PHKB: variants seen among roughly 807,000 people sequenced by gnomAD.
PHKB encodes phosphorylase b kinase regulatory subunit beta.
In PHKB, 122 loss-of-function variants were observed where a neutral mutation model predicts 152.1. That is an observed-to-expected ratio of 0.80 (90% CI 0.69 to 0.93). The LOEUF (loss-of-function observed/expected upper bound fraction) is 0.93. Among genes scored for constraint, PHKB ranks in the 40% least tolerant of loss-of-function variants. The pLI is 0.00. For missense variants in PHKB, 1,304 were observed against 1,328.4 expected (o/e 0.98, Z 0.29); for synonymous variants, 436 against 464.9 (o/e 0.94, Z 0.80).
chr16:47,534,068 G>A (rs1970909923), intron 6 of PHKB, among the ~76,000 whole-genome samples: 1 of 152,226 alleles, frequency 6.6e-6, no homozygotes, highest in African/African-American at 2.4e-5. Flanking sequence ...TGGCATCTGG[G>A]GAGCTCCCAC....
chr16:47,475,037 G>A (rs1381096341), intron 1 of PHKB, among the ~76,000 whole-genome samples: 1 of 152,038 alleles, frequency 6.6e-6, no homozygotes. Context: ...TTCTTTCATG[G>A]GGTTTTCTGC....
intron 7 of PHKB, among the ~76,000 whole-genome samples, chr16:47,549,626 T>C (rs917153673): frequency 6.6e-5 from 10 of 151,474 alleles, no homozygotes; most frequent in African/African-American, 2.4e-4. Context: ...ACCTGGGAGG[T>C]GGAGGTTGCA....
rs1971819991 is a variant in PHKB, at chr16:47,580,276, A to C, written c.711-19A>C. The C allele has an allele frequency of 3.1e-6, 5 of 1,600,988 alleles. No homozygotes were observed. The highest frequency in any genetic ancestry group is 4.3e-6 in the Non-Finnish European group (5 of 1,168,338). ...GCCACATACATTAGAGTAATAAAGC[A>C]TTTCCTTTTCTCTTTTAGCTCGGTT... On this transcript the variant is annotated intron_variant, in intron 7 of 30. Transcript: ENST00000323584.
intron 14 of PHKB, among the ~76,000 whole-genome samples, chr16:47,631,040 T>A (rs780318783): frequency 1.2e-4 from 18 of 152,088 alleles, no homozygotes; most frequent in Non-Finnish European, 2.4e-4. Context: ...TCAGCTCTCC[T>A]GGGTCTCCAG....
intron 13 of PHKB, among the ~76,000 whole-genome samples, chr16:47,601,216 C>T (rs1972219806): frequency 6.6e-6 from 1 of 151,936 alleles, no homozygotes; most frequent in African/African-American, 2.4e-5. Flanking sequence ...GACCCTGTCT[C>T]AAAAAATTGC....
At chr16:47,616,426 T>A (rs1459452506) in intron 14 of PHKB, among the ~76,000 whole-genome samples, 1 of 149,114 alleles carries the variant, frequency 6.7e-6, no homozygotes, top group Admixed American at 6.7e-5. Context: ...TTCTCCACAG[T>A]AAATTTTTTC....
At chr16:47,545,588 G>C (rs979072899) in intron 6 of PHKB, among the ~76,000 whole-genome samples, 1 of 152,050 alleles carries the variant, frequency 6.6e-6, no homozygotes, top group Non-Finnish European at 1.5e-5. Context: ...TGCTCTTTTC[G>C]AGGAGTATCT....
intron 28 of PHKB, among the ~76,000 whole-genome samples, chr16:47,694,729 G>A (rs1597188112): frequency 6.6e-6 from 1 of 152,208 alleles, no homozygotes; most frequent in Admixed American, 6.5e-5. Flanking sequence ...AGAGCAGAGA[G>A]CAGCGCCTCG....
chr16:47,639,126 T>C (rs1327914222), intron 14 of PHKB, among the ~76,000 whole-genome samples: 1 of 151,996 alleles, frequency 6.6e-6, no homozygotes, highest in Admixed American at 6.6e-5. Flanking sequence ...ATATAAAAAT[T>C]AGCCAGGTGT....
chr16:47,594,277 A>T lies in PHKB; in HGVS notation c.1204+63A>T. Reference sequence around the variant, plus strand: ...TTTCCTGAATGTTTATTTGAAATGTATAAGTGAGTCCTTTGTAAAAAACAA... The same window carrying T: ...TTTCCTGAATGTTTATTTGAAATGTTTAAGTGAGTCCTTTGTAAAAAACAA... On this transcript the variant is annotated intron_variant, in intron 12 of 30. Coordinates refer to ENST00000323584, the MANE Select transcript of PHKB (RefSeq NM_000293.3). 3.6e-6 allele frequency: 3 copies of T among 837,454 alleles called. No individual in the cohort carries two copies. In the South Asian group the frequency reaches 4.1e-5, roughly 11 times the overall value. The allele number at this position is 837,454 out of a possible 1,614,324, so 51.9% of individuals were successfully genotyped here.
At chr16:47,502,580 G>A (rs1421751627) in intron 3 of PHKB, among the ~76,000 whole-genome samples, 1 of 152,178 alleles carries the variant, frequency 6.6e-6, no homozygotes, top group East Asian at 1.9e-4. Context: ...TTAACTTGTG[G>A]CTGCTACTTA....
In PHKB at chr16:47,587,751, A is replaced by C; in HGVS notation, c.858A>C (p.Glu286Asp). The C allele has an allele frequency of 1.9e-6, 3 of 1,608,826 alleles. No homozygotes were observed. The highest frequency in any genetic ancestry group is 1.7e-4 in the Middle Eastern group (1 of 6,054). Residue 286 changes from glutamate (E) to aspartate (D), a missense_variant, in exon 9 of 31, where the codon GAA (glutamate) becomes GAC (aspartate). By Grantham distance (45) the Glu-to-Asp change is conservative. Transcript: ENST00000323584. Reference protein sequence around the residue: ...RQTLCSLLPRESRSHNTDAAL... With the variant: ...RQTLCSLLPRDSRSHNTDAAL... ...CTTTGTGCTCGCTGTTACCCAGAGA[A>C]TCAAGATCACATGTGAGACATTTAA... is the stretch of plus-strand genomic sequence containing the variant.
intron 6 of PHKB, among the ~76,000 whole-genome samples, chr16:47,527,097 T>C (rs1405755595): frequency 6.6e-6 from 1 of 152,134 alleles, no homozygotes; most frequent in Non-Finnish European, 1.5e-5. Flanking sequence ...AAACCATTTA[T>C]AAGAAATCTG....
intron 26 of PHKB, among the ~76,000 whole-genome samples, chr16:47,673,707 C>A (rs772018142): frequency 1.3e-4 from 20 of 152,148 alleles, no homozygotes; most frequent in Non-Finnish European, 2.5e-4. Context: ...AGTAAACCAT[C>A]CTTCTCTTCC....
intron 7 of PHKB, among the ~76,000 whole-genome samples, chr16:47,563,537 C>G (rs1971511556): frequency 6.6e-6 from 1 of 152,076 alleles, no homozygotes; most frequent in African/African-American, 2.4e-5. Context: ...TTAAAATATT[C>G]AGGAAACCAT....
intron 14 of PHKB, among the ~76,000 whole-genome samples, chr16:47,631,763 A>C (rs1972831826): frequency 6.6e-6 from 1 of 152,180 alleles, no homozygotes; most frequent in African/African-American, 2.4e-5. Flanking sequence ...TTTGCTGAGA[A>C]TGATGGTTTC....
chr16:47,479,420 TCTCACACC>T (rs1179047768), intron 1 of PHKB, among the ~76,000 whole-genome samples: 1 of 152,140 alleles, frequency 6.6e-6, no homozygotes, highest in Non-Finnish European at 1.5e-5. Context: ...ATCTTCAACA[TCTCACACC>T]CTCTCTTCTT....
chr16:47,515,979 G>A (rs973922525), intron 6 of PHKB, among the ~76,000 whole-genome samples: 1 of 150,586 alleles, frequency 6.6e-6, no homozygotes, highest in Non-Finnish European at 1.5e-5. Context: ...CGGGGCTGGA[G>A]TGCAGTGGTA....
At chr16:47,663,922 C>A in intron 24 of PHKB, 188 bp downstream of exon 24, 1 of 628,686 alleles carries the variant, frequency 1.6e-6, no homozygotes, top group South Asian at 1.9e-5. Flanking sequence ...CACCAAAATT[C>A]TGAGAACAAA....
Sources: allele counts gnomAD v4.1 joint callset (sites outside exome capture counted in the v4.1 genomes callset), GRCh38; gene constraint gnomAD v4.1.1; transcripts MANE v1.5; gene names NCBI Gene and HGNC (gene_info 2026-07-23, HGNC 2026-07-21).